Variants in FBXL13 observed in about 807,000 individuals in gnomAD.
FBXL13 encodes the protein F-box and leucine-rich repeat protein 13.
In FBXL13, 67 loss-of-function variants were observed where a neutral mutation model predicts 83.6. That is an observed-to-expected ratio of 0.80 (90% CI 0.66 to 0.98). The LOEUF (loss-of-function observed/expected upper bound fraction) is 0.98, where lower values mean the gene tolerates loss of function less well. FBXL13 is among the 50% of genes least tolerant of loss of function. The probability of loss-of-function intolerance (pLI) is 0.00; values close to 1 mark genes in which losing one functional copy is unlikely to be tolerated. For synonymous variants in FBXL13, 272 were observed against 299.5 expected (o/e 0.91, Z 0.95); for missense variants, 822 against 866.5 (o/e 0.95, Z 0.64).
At chr7:102,912,951 G>A in intron 11 of FBXL13, 135 bp downstream of exon 12, 2 of 1,162,744 alleles carry the variant, frequency 1.7e-6, no homozygotes, top group Non-Finnish European at 2.4e-6. Context: ...AGCAGCTGGG[G>A]CCATGTAATT....
intron 17 of FBXL13, among the ~76,000 whole-genome samples, chr7:102,847,143 GAC>G (rs1011412659): frequency 4.0e-5 from 6 of 151,872 alleles, no homozygotes; most frequent in African/African-American, 1.4e-4. Context: ...GGGAAGTTGC[GAC>G]AGAGACTGTA....
intron 9 of FBXL13, among the ~76,000 whole-genome samples, chr7:102,926,920 T>A (rs1438355039): frequency 6.6e-6 from 1 of 152,186 alleles, no homozygotes; most frequent in African/African-American, 2.4e-5. Context: ...ACCAGATTTA[T>A]GGTAAGTTTG....
chr7:102,925,940 CAA>C (rs66682276), intron 10 of FBXL13, among the ~76,000 whole-genome samples: 210 of 100,930 alleles, frequency 2.1e-3, no homozygotes, highest in Non-Finnish European at 2.1e-3. Flanking sequence ...GACTCTGTCT[CAA>C]AAAAAAAAAA....
intron 6 of FBXL13, among the ~76,000 whole-genome samples, chr7:102,991,932 C>T (rs906848011): frequency 6.6e-6 from 1 of 152,188 alleles, no homozygotes; most frequent in Non-Finnish European, 1.5e-5. Flanking sequence ...GAGCCTCCTA[C>T]CCCTCCAGTC....
At chr7:103,068,183 A>G (rs936039606) in intron 1 of FBXL13, among the ~76,000 whole-genome samples, 1 of 152,238 alleles carries the variant, frequency 6.6e-6, no homozygotes, top group Non-Finnish European at 1.5e-5. Flanking sequence ...GGGCACAAGA[A>G]CAATGACAGG....
At chr7:102,940,476 C>T (rs564022550) in intron 8 of FBXL13, among the ~76,000 whole-genome samples, 7 of 152,246 alleles carry the variant, frequency 4.6e-5, no homozygotes, top group African/African-American at 1.7e-4. Context: ...TCCCAAAGTG[C>T]TGGGATTACA....
chr7:103,067,188 T>G (rs1362539136), intron 1 of FBXL13, among the ~76,000 whole-genome samples: 1 of 152,166 alleles, frequency 6.6e-6, no homozygotes, highest in Non-Finnish European at 1.5e-5. Flanking sequence ...ACAATTCAGT[T>G]TAATTGTGTG....
At position 103,034,620 on chromosome 7, in the gene FBXL13, C is replaced by T. The variant is rs551315517; in HGVS notation, c.1-5202G>A. Among the ~76,000 whole-genome samples, 21 of 152,358 alleles carry T rather than the reference C, an allele frequency of 1.4e-4. 1 individual carries two copies. The South Asian group carries it at 3.9e-3, about 29-fold the overall frequency. ...CCTCGCAAGCTGAGGGAGCCGGTTC[C>T]GGCCTTGGCCAGCCCAGAAAGGGGA... On this transcript the variant is annotated intron_variant, in intron 2 of 19. Transcript: ENST00000313221.
rs1811582584 is a variant in FBXL13 at position 102,891,898 on chromosome 7, T to A, written c.1009-7586A>T. Among the ~76,000 whole-genome samples the A allele has an allele frequency of 2.0e-5, 3 of 152,246 alleles. No homozygotes were observed. In the South Asian group the frequency reaches 6.2e-4, roughly 31 times the overall value. ...GCCAAATTGTTCATAGTTTCCCTTG[T>A]ATTACTGAGAAAATCACAACCATAA... is the stretch of plus-strand genomic sequence containing the variant. On this transcript the variant is annotated intron_variant, in intron 11 of 19. Coordinates refer to ENST00000313221, the Ensembl canonical transcript of FBXL13.
At chr7:103,064,407 G>C (rs1369176461) in intron 1 of FBXL13, among the ~76,000 whole-genome samples, 1 of 152,226 alleles carries the variant, frequency 6.6e-6, no homozygotes, top group African/African-American at 2.4e-5. Flanking sequence ...GAAGAGGGAA[G>C]TAGATGCTAC....
At chr7:102,826,755 A>ATATATATGTG (rs1393688479) in intron 18 of FBXL13, among the ~76,000 whole-genome samples, 1 of 114,732 alleles carries the variant, frequency 8.7e-6, no homozygotes, top group Admixed American at 1.0e-4. Context: ...ATATATATAT[A>ATATATATGTG]TATATATATA....
chr7:102,869,700 T>C (rs561041406), intron 16 of FBXL13, among the ~76,000 whole-genome samples: 2 of 152,138 alleles, frequency 1.3e-5, no homozygotes, highest in East Asian at 3.9e-4. Flanking sequence ...CATGTAGCTA[T>C]CCAGGTTTCC....
At chr7:102,844,896 G>A (rs1341624311) in intron 17 of FBXL13, among the ~76,000 whole-genome samples, 1 of 152,132 alleles carries the variant, frequency 6.6e-6, no homozygotes, top group African/African-American at 2.4e-5. Flanking sequence ...ATAATTCAGG[G>A]AAACATGTTT....
At chr7:103,070,836 C>A (rs2129505825) in intron 1 of FBXL13, among the ~76,000 whole-genome samples, 1 of 152,292 alleles carries the variant, frequency 6.6e-6, no homozygotes, top group East Asian at 1.9e-4. Context: ...CAGGGGAGGG[C>A]ACAAAGCCAT....
At chr7:102,882,207 C>T (rs2129458818) in intron 14 of FBXL13, among the ~76,000 whole-genome samples, 1 of 152,054 alleles carries the variant, frequency 6.6e-6, no homozygotes, top group East Asian at 1.9e-4. Flanking sequence ...GTTACAGTAA[C>T]TGTGCAACTG....
chr7:102,962,140 A>G (rs1245828727), intron 8 of FBXL13, among the ~76,000 whole-genome samples: 1 of 151,156 alleles, frequency 6.6e-6, no homozygotes, highest in Non-Finnish European at 1.5e-5. Context: ...AATTTACAAG[A>G]AAAAAACAAA....
chr7:102,877,723 G>T, intron 15 of FBXL13, 130 bp from the exon 17 acceptor site: 1 of 861,138 alleles, frequency 1.2e-6, no homozygotes, highest in Non-Finnish European at 1.7e-6. Flanking sequence ...CAACATAAAA[G>T]TAAGACTAAA....
At chr7:102,838,868 CT>C (rs1274253285) in intron 17 of FBXL13, among the ~76,000 whole-genome samples, 1 of 152,166 alleles carries the variant, frequency 6.6e-6, no homozygotes, top group Admixed American at 6.5e-5. Flanking sequence ...ATGTGATAGT[CT>C]GAAATATGGC....
At chr7:103,037,431 A>G (rs1489553900) in intron 2 of FBXL13, among the ~76,000 whole-genome samples, 3 of 152,168 alleles carry the variant, frequency 2.0e-5, no homozygotes, top group South Asian at 2.1e-4. Flanking sequence ...TTTCAAATCC[A>G]TATCTTTCAT....
Sources: allele counts gnomAD v4.1 joint callset (sites outside exome capture counted in the v4.1 genomes callset), GRCh38; gene constraint gnomAD v4.1.1; transcripts MANE v1.5; gene names NCBI Gene and HGNC (gene_info 2026-07-23, HGNC 2026-07-21).